Variants in B3GALNT1 observed in about 807,000 individuals in gnomAD.
B3GALNT1 encodes UDP-GalNAc:beta-1,3-N-acetylgalactosaminyltransferase 1.
A neutral mutation model predicts 27.3 loss-of-function variants in B3GALNT1; 17 were observed. The ratio of observed to expected loss-of-function variants is 0.62; its 90% CI spans 0.43 to 0.94. The LOEUF (loss-of-function observed/expected upper bound fraction) is 0.94. Among genes scored for constraint, B3GALNT1 ranks in the 40% least tolerant of loss-of-function variants. The probability of loss-of-function intolerance (pLI) is 0.00; values close to 1 mark genes in which losing one functional copy is unlikely to be tolerated. For synonymous variants in B3GALNT1, 141 were observed against 144.0 expected, an observed-to-expected ratio of 0.98 and a Z score of 0.15; for missense variants, 347 against 390.0, an observed-to-expected ratio of 0.89 and a Z score of 0.93.
rs1722577911 is a variant in B3GALNT1 at position 161,087,352 on chromosome 3, G to A, written c.-34-564C>T. 2.0e-5 allele frequency among the ~76,000 whole-genome samples: 3 copies of A among 152,138 alleles called. No individual in the cohort carries two copies. The South Asian group carries it at 6.2e-4, about 32-fold the overall frequency. ...TTAGTGACTGCTGATGTGGGATAAG[G>A]CAGAGATTCTTCACCTGAAAGGCAA... On this transcript the variant is annotated intron_variant, in intron 4 of 4. Coordinates refer to ENST00000320474, the MANE Select transcript of B3GALNT1 (RefSeq NM_003781.4).
At chr3:161,098,349 C>T (rs978818377) in intron 4 of B3GALNT1, among the ~76,000 whole-genome samples, 11 of 152,182 alleles carry the variant, frequency 7.2e-5, no homozygotes, top group African/African-American at 2.7e-4. Flanking sequence ...TCCTATTGGC[C>T]TGGTATCTTC....
At chr3:161,095,628 T>G (rs1344923143) in intron 4 of B3GALNT1, among the ~76,000 whole-genome samples, 1 of 152,176 alleles carries the variant, frequency 6.6e-6, no homozygotes, top group Non-Finnish European at 1.5e-5. Flanking sequence ...AAGAGTGGAT[T>G]GCCTTGAAGG....
At chr3:161,088,817 T>C (rs1723441169) in intron 4 of B3GALNT1, among the ~76,000 whole-genome samples, 1 of 152,204 alleles carries the variant, frequency 6.6e-6, no homozygotes, top group African/African-American at 2.4e-5. Context: ...ATATGGATGA[T>C]GGGGGCCCTA....
At position 161,086,536 on chromosome 3, in the gene B3GALNT1, G is replaced by C; in HGVS notation, c.219C>G (p.Cys73Trp). The change falls in exon 5 of 5, where the codon TGC becomes TGG. Residue 73 changes from cysteine (C) to tryptophan (W), a missense_variant. Cys to Trp is a radical substitution (Grantham distance 215). Transcript: ENST00000320474. ...FHFTLREHSNCSHQNPFLVIL... is the reference protein window; with the variant it reads ...FHFTLREHSNWSHQNPFLVIL... ...TGACCAGAAATGGATTTTGATGAGA[G>C]CAGTTTGAATGCTCTCGAAGTGTGA... 1.2e-6 allele frequency: 2 copies of C among 1,614,172 alleles called. No homozygotes were observed. Among genetic ancestry groups the C allele is most frequent in the Non-Finnish European group, 1.7e-6 (2 of 1,180,046 alleles).
rs556079745 is a variant in B3GALNT1, at chr3:161,084,681, G to A, written c.*1078C>T. ...TACATATTAGGGCTTTCATCTTGAT[G>A]AGAAACTCATAACAGCAGCAGCTCA... is the stretch of plus-strand genomic sequence containing the variant. On this transcript the variant is annotated 3_prime_UTR_variant, in exon 5 of 5. Transcript: ENST00000320474. 1 of 152,254 alleles carries A rather than the reference G, an allele frequency of 6.6e-6. No individual in the cohort carries two copies. The highest frequency in any genetic ancestry group is 1.5e-5 in the Non-Finnish European group (1 of 67,996). The allele number at this position is 152,254 out of a possible 1,614,324, so 9.4% of individuals were successfully genotyped here.
chr3:161,096,792 CTT>C (rs1559998169), intron 4 of B3GALNT1, among the ~76,000 whole-genome samples: 1 of 152,184 alleles, frequency 6.6e-6, no homozygotes, highest in Non-Finnish European at 1.5e-5. Context: ...TTCTTCCCCT[CTT>C]CTTTAACCCA....
intron 4 of B3GALNT1, among the ~76,000 whole-genome samples, chr3:161,099,522 A>C (rs1730041631): frequency 6.6e-6 from 1 of 152,212 alleles, no homozygotes; most frequent in South Asian, 2.1e-4. Context: ...GGTGAAGTAA[A>C]GGAATAACTG....
intron 4 of B3GALNT1, among the ~76,000 whole-genome samples, chr3:161,093,251 C>T (rs746222860): frequency 8.5e-5 from 13 of 152,144 alleles, no homozygotes; most frequent in Non-Finnish European, 1.8e-4. Flanking sequence ...TCTGATTTGA[C>T]CATTACACAT....
At chr3:161,095,598 T>C (rs1391912534) in intron 4 of B3GALNT1, among the ~76,000 whole-genome samples, 1 of 152,130 alleles carries the variant, frequency 6.6e-6, no homozygotes, top group Non-Finnish European at 1.5e-5. Flanking sequence ...GAGAGAGTAA[T>C]GCTACTGACC....
At chr3:161,098,939 A>T (rs1428635279) in intron 4 of B3GALNT1, among the ~76,000 whole-genome samples, 1 of 152,248 alleles carries the variant, frequency 6.6e-6, no homozygotes, top group African/African-American at 2.4e-5. Context: ...GGTAACACCT[A>T]AGAATCAAGC....
At chr3:161,093,522 C>G (rs1726477068) in intron 4 of B3GALNT1, among the ~76,000 whole-genome samples, 1 of 152,142 alleles carries the variant, frequency 6.6e-6, no homozygotes, top group Non-Finnish European at 1.5e-5. Flanking sequence ...GACCCCGACA[C>G]TGTTCTAAAT....
chr3:161,092,823 G>A (rs554575323), intron 4 of B3GALNT1, among the ~76,000 whole-genome samples: 1 of 140,898 alleles, frequency 7.1e-6, no homozygotes, highest in Admixed American at 7.5e-5. Context: ...CTGGAGTGCA[G>A]TGGTGCAATC....
At chr3:161,102,732 A>G (rs1012688114) in intron 3 of B3GALNT1, among the ~76,000 whole-genome samples, 13 of 152,172 alleles carry the variant, frequency 8.5e-5, no homozygotes, top group African/African-American at 3.1e-4. Context: ...TCTACCACAC[A>G]GTGGGAGTTT....
In B3GALNT1 at chr3:161,085,021, C is replaced by T. The variant is rs1720994586; in HGVS notation, c.*738G>A. The T allele has an allele frequency of 6.6e-6, 1 of 152,108 alleles. No individual in the cohort carries two copies. The highest frequency in any genetic ancestry group is 1.5e-5 in the Non-Finnish European group (1 of 68,016). The allele number at this position is 152,108 out of a possible 1,614,324, so 9.4% of individuals were successfully genotyped here. A position where few individuals can be genotyped will look rare whatever the true frequency, so the allele number is the denominator to read the frequency against. On this transcript the variant is annotated 3_prime_UTR_variant, in exon 5 of 5. Transcript: ENST00000320474. ...GCTTTAATTCTTCTCTATATTACCA[C>T]AGTAAAATATTTAACAAAGTCCAAG...
rs1732506599 is a variant in B3GALNT1, at chr3:161,103,453, CTTAAG to C, written c.-161_-157del. On this transcript the variant is annotated 5_prime_UTR_variant, in exon 3 of 5. The change abolishes the stop of an existing upstream ORF in the 5' untranslated region. Coordinates refer to ENST00000320474, the MANE Select transcript of B3GALNT1 (RefSeq NM_003781.4). ...TGTGGAATTCCAGATGAAATTAAAG[CTTAAG>C]TTTTTTGTTGTTTTCTGTATTCCAT... 1 of 1,277,692 alleles carries C rather than the reference CTTAAG, an allele frequency of 7.8e-7. No individual in the cohort carries two copies. Among genetic ancestry groups the C allele is most frequent in the African/African-American group, 1.5e-5 (1 of 65,538 alleles). 79.1% of individuals were successfully genotyped at this position (1,277,692 alleles called of 1,614,324 possible). A position where few individuals can be genotyped will look rare whatever the true frequency, so the allele number is the denominator to read the frequency against.
At chr3:161,090,483 T>C (rs915927055) in intron 4 of B3GALNT1, among the ~76,000 whole-genome samples, 2 of 152,134 alleles carry the variant, frequency 1.3e-5, no homozygotes, top group Non-Finnish European at 2.9e-5. Flanking sequence ...TATTAGGTAA[T>C]ACAAGCCTTC....
At chr3:161,089,972 G>C (rs1407558595) in intron 4 of B3GALNT1, 1 of 235,242 alleles carries the variant, frequency 4.3e-6, no homozygotes, top group African/African-American at 2.3e-5. Context: ...GGGAGGCTGA[G>C]GCAGGAGAAC....
chr3:161,085,117 A>G lies in B3GALNT1; in HGVS notation c.*642T>C, dbSNP rs1368514862. 1 of 152,432 alleles carries G rather than the reference A, an allele frequency of 6.6e-6. No homozygotes were observed. Among genetic ancestry groups the G allele is most frequent in the Admixed American group, 6.5e-5 (1 of 15,282 alleles). The allele number at this position is 152,432 out of a possible 1,614,324, so 9.4% of individuals were successfully genotyped here. A position where few individuals can be genotyped will look rare whatever the true frequency, so the allele number is the denominator to read the frequency against. On this transcript the variant is annotated 3_prime_UTR_variant, in exon 5 of 5. Transcript: ENST00000320474. Reference sequence around the variant, plus strand: ...GTGATGTATCAATAATAAACTGATCAGTTAAGTAACTGGAAAATGTTTGCA... The same window carrying G: ...GTGATGTATCAATAATAAACTGATCGGTTAAGTAACTGGAAAATGTTTGCA...
At chr3:161,087,410 G>C (rs1399556354) in intron 4 of B3GALNT1, among the ~76,000 whole-genome samples, 1 of 152,194 alleles carries the variant, frequency 6.6e-6, no homozygotes, top group East Asian at 1.9e-4. Context: ...CATCTCTCTT[G>C]AGTTTTCAAA....
Sources: allele counts gnomAD v4.1 joint callset (sites outside exome capture counted in the v4.1 genomes callset), GRCh38; gene constraint gnomAD v4.1.1; transcripts MANE v1.5; gene names NCBI Gene and HGNC (gene_info 2026-07-23, HGNC 2026-07-21).